Variants in ARHGEF7 observed in about 807,000 individuals in gnomAD.
ARHGEF7 encodes the protein PAK-interacting exchange factor beta.
ARHGEF7 carries 33 observed loss-of-function variants against 109.8 expected under a neutral mutation model. The ratio of observed to expected loss-of-function variants is 0.30; its 90% confidence interval spans 0.23 to 0.40. The LOEUF (loss-of-function observed/expected upper bound fraction) is 0.40, where lower values mean the gene tolerates loss of function less well. ARHGEF7 is among the 10% of genes least tolerant of loss of function. The pLI is 1.00. For missense variants in ARHGEF7, 938 were observed against 1,098.5 expected (o/e 0.85, Z 2.07); for synonymous variants, 458 against 424.6 (o/e 1.08, Z -0.97).
chr13:111,235,333 A>C (rs141493896), intron 6 of ARHGEF7, among the ~76,000 whole-genome samples: 89 of 152,290 alleles, frequency 5.8e-4, no homozygotes, highest in African/African-American at 2.0e-3. Context: ...TCTTTGCATT[A>C]TATATTCTGT....
chr13:111,216,218 A>G (rs924410889), intron 4 of ARHGEF7, among the ~76,000 whole-genome samples: 2 of 152,152 alleles, frequency 1.3e-5, no homozygotes, highest in South Asian at 4.1e-4. Context: ...TCTGAGACTG[A>G]TACCAGTGTT....
At chr13:111,293,433 AT>A (rs1215801668) in intron 19 of ARHGEF7, 12 of 866,016 alleles carry the variant, frequency 1.4e-5, no homozygotes, top group East Asian at 2.1e-4. Context: ...TGGCTCACTT[AT>A]TTAAAAAAAA....
Position 111,217,879 on chromosome 13 carries a change from C to A in ARHGEF7, c.669C>A (p.Ser223Arg). Residue 223 changes from serine to arginine, a missense_variant and splice_region_variant, in exon 5 of 22, where the codon AGC becomes AGA. This residue lies in a region of ARHGEF7 where 585 missense variants were observed against 723.6 expected (regional missense o/e 0.81). Coordinates refer to ENST00000646102, the MANE Select transcript of ARHGEF7 (RefSeq NM_001354046.2). ...PSNYVREVKA[S>R]EKPVSPKSGT... ...ACTACGTGCGCGAGGTCAAGGCCAG[C>A]GGTAAGTGGCCGAGCCTGGGCTGTG... 6.2e-7 allele frequency: 1 copy of A among 1,608,816 alleles called. No individual in the cohort carries two copies. Among genetic ancestry groups the A allele is most frequent in the Non-Finnish European group, 8.5e-7 (1 of 1,176,086 alleles).
chr13:111,275,833 G>C, intron 12 of ARHGEF7, 155 bp downstream of exon 12: 1 of 915,684 alleles, frequency 1.1e-6, no homozygotes, highest in South Asian at 1.5e-5. Flanking sequence ...ACAGGAGAGA[G>C]GCTTATGGCA....
At chr13:111,121,697 C>T (rs966296178) in intron 1 of ARHGEF7, among the ~76,000 whole-genome samples, 2 of 152,184 alleles carry the variant, frequency 1.3e-5, no homozygotes, top group Middle Eastern at 3.2e-3. Flanking sequence ...TGGCATCCCC[C>T]GAACCCACGG....
At chr13:111,249,455 A>G (rs753541830) in intron 8 of ARHGEF7, among the ~76,000 whole-genome samples, 1 of 151,882 alleles carries the variant, frequency 6.6e-6, no homozygotes, top group Non-Finnish European at 1.5e-5. Context: ...GGAGGGGAAA[A>G]AAGGGAGGCT....
intron 2 of ARHGEF7, among the ~76,000 whole-genome samples, chr13:111,168,591 A>G (rs1405064014): frequency 6.6e-6 from 1 of 152,230 alleles, no homozygotes; most frequent in African/African-American, 2.4e-5. Context: ...AATGATTGAA[A>G]AGGGATATCC....
intron 2 of ARHGEF7, among the ~76,000 whole-genome samples, chr13:111,176,427 G>A (rs2078165895): frequency 6.6e-6 from 1 of 152,210 alleles, no homozygotes; most frequent in Non-Finnish European, 1.5e-5. Context: ...TTTGTGTGGT[G>A]GATCTGGTTA....
At chr13:111,288,526 T>A in intron 18 of ARHGEF7, 83 bp downstream of exon 18, 2 of 1,132,852 alleles carry the variant, frequency 1.8e-6, no homozygotes, top group Non-Finnish European at 2.6e-6. Flanking sequence ...CCTGTTGTGG[T>A]AGGCCCCTTG....
At chr13:111,214,375 G>C (rs2082865294) in intron 4 of ARHGEF7, among the ~76,000 whole-genome samples, 1 of 152,236 alleles carries the variant, frequency 6.6e-6, no homozygotes, top group Non-Finnish European at 1.5e-5. Flanking sequence ...GAAGGGGCCT[G>C]CTGCGCCTGC....
At chr13:111,176,616 C>T (rs2078187655) in intron 2 of ARHGEF7, among the ~76,000 whole-genome samples, 1 of 152,222 alleles carries the variant, frequency 6.6e-6, no homozygotes, top group East Asian at 1.9e-4. Context: ...AGGGTCATGT[C>T]CAGGAGTGTA....
intron 13 of ARHGEF7, 116 bp from the exon 14 acceptor site, chr13:111,280,156 C>A: frequency 9.0e-7 from 1 of 1,115,276 alleles, no homozygotes; most frequent in Non-Finnish European, 1.3e-6. Flanking sequence ...TTTTTTGGTT[C>A]ACAAACACAG....
intron 18 of ARHGEF7, among the ~76,000 whole-genome samples, chr13:111,289,801 T>G (rs2093199370): frequency 6.6e-6 from 1 of 151,698 alleles, no homozygotes; most frequent in African/African-American, 2.4e-5. Context: ...GCTTCTTTTT[T>G]TTTAACCATT....
intron 8 of ARHGEF7, among the ~76,000 whole-genome samples, chr13:111,260,199 A>G (rs1432562742): frequency 2.6e-5 from 4 of 152,244 alleles, no homozygotes; most frequent in Admixed American, 2.6e-4. Context: ...AGTTTATTCA[A>G]AGAGATAACA....
At chr13:111,230,519 G>A (rs1463583930) in intron 5 of ARHGEF7, among the ~76,000 whole-genome samples, 4 of 152,180 alleles carry the variant, frequency 2.6e-5, no homozygotes, top group African/African-American at 2.4e-5. Flanking sequence ...TTCTTCTGGC[G>A]TGACCGCCCC....
rs1190543798 is a variant in ARHGEF7, at chr13:111,221,206, GATAT to G, written c.670+3331_670+3334del. Among the ~76,000 whole-genome samples, 3 of 51,482 alleles carry G rather than the reference GATAT, an allele frequency of 5.8e-5. No individual in the cohort carries two copies. The South Asian group carries it at 2.0e-3, about 35-fold the overall frequency. 33.8% of individuals were successfully genotyped at this position (51,482 alleles called of 152,430 possible). ...ATATATGTCTATATATATCTATATA[GATAT>G]ATATGTCTATATATATCTATATAGA... is the stretch of plus-strand genomic sequence containing the variant. On this transcript the variant is annotated intron_variant, in intron 5 of 21. Transcript: ENST00000646102.
chr13:111,250,043 G>A (rs1010866779), intron 8 of ARHGEF7, among the ~76,000 whole-genome samples: 3 of 152,222 alleles, frequency 2.0e-5, no homozygotes, highest in African/African-American at 7.2e-5. Context: ...AGGCGAGTCA[G>A]TTTGATAGGA....
chr13:111,244,632 G>C (rs1159324005), intron 8 of ARHGEF7, among the ~76,000 whole-genome samples: 1 of 152,226 alleles, frequency 6.6e-6, no homozygotes, highest in Non-Finnish European at 1.5e-5. Context: ...CCTGAGTGCT[G>C]CGCAGGGGGC....
chr13:111,244,682 C>T (rs185556009), intron 8 of ARHGEF7, among the ~76,000 whole-genome samples: 161 of 152,318 alleles, frequency 1.1e-3, no homozygotes, highest in Non-Finnish European at 1.9e-3. Flanking sequence ...TGCAGCTTGC[C>T]TGCTGTTTCT....
Sources: gnomAD v4.1 joint callset for allele counts (sites outside exome capture counted in the v4.1 genomes callset) on GRCh38, gnomAD v4.1.1 for gene constraint, gnomAD v4.1.1 regional missense constraint, MANE v1.5 for transcripts, NCBI Gene and HGNC (gene_info 2026-07-23, HGNC 2026-07-21) for gene names.